Variants in UBE2E2 observed in about 807,000 individuals in gnomAD.
The protein encoded by UBE2E2 is ubiquitin-conjugating enzyme E2 E2.
Under a neutral mutation model 24.7 loss-of-function variants are expected in UBE2E2, and 6 were observed. The ratio of observed to expected loss-of-function variants is 0.24; its 90% confidence interval spans 0.13 to 0.48. The LOEUF (loss-of-function observed/expected upper bound fraction) is 0.48, where lower values mean the gene tolerates loss of function less well. Among genes scored for constraint, UBE2E2 ranks in the 20% least tolerant of loss-of-function variants. The pLI, the probability that UBE2E2 is intolerant of heterozygous loss-of-function variation, is 0.99. For missense variants in UBE2E2, 169 were observed against 245.0 expected, an observed-to-expected ratio of 0.69 and a Z score of 2.07; for synonymous variants, 104 against 83.6, an observed-to-expected ratio of 1.24 and a Z score of -1.33.
intron 3 of UBE2E2, among the ~76,000 whole-genome samples, chr3:23,462,332 T>G (rs1314756015): frequency 1.3e-5 from 2 of 152,302 alleles, no homozygotes; most frequent in East Asian, 1.9e-4. Flanking sequence ...ATTGAGGAGT[T>G]TTGAAATGTT....
At chr3:23,386,763 G>A (rs1180084463) in intron 3 of UBE2E2, among the ~76,000 whole-genome samples, 1 of 152,188 alleles carries the variant, frequency 6.6e-6, no homozygotes, top group Non-Finnish European at 1.5e-5. Context: ...TATACTCAGA[G>A]TAGGGAGTAG....
intron 3 of UBE2E2, among the ~76,000 whole-genome samples, chr3:23,446,881 C>T (rs1018818167): frequency 6.6e-6 from 1 of 152,002 alleles, no homozygotes; most frequent in Non-Finnish European, 1.5e-5. Context: ...ACCAGAAGAG[C>T]GTGCTGGCAT....
At chr3:23,408,365 G>A (rs775091455) in intron 3 of UBE2E2, among the ~76,000 whole-genome samples, 1 of 151,990 alleles carries the variant, frequency 6.6e-6, no homozygotes, top group Non-Finnish European at 1.5e-5. Flanking sequence ...TTTAAAATTT[G>A]ATATAATTTA....
In UBE2E2 at chr3:23,497,912, C is replaced by T. The variant is rs139357588; in HGVS notation, c.228-1696C>T. On this transcript the variant is annotated intron_variant, in intron 3 of 5. Coordinates refer to ENST00000396703, the MANE Select transcript of UBE2E2 (RefSeq NM_152653.4). ...GAATTACTCATACTCATCAGCAGTA[C>T]ATAGGAGTTCTAGTTTTTCCACATC... Among the ~76,000 whole-genome samples, 166 of 152,280 alleles carry T rather than the reference C, an allele frequency of 1.1e-3. 2 individuals carry two copies. Among genetic ancestry groups the T allele is most frequent in the African/African-American group, 3.8e-3 (159 of 41,574 alleles).
intron 5 of UBE2E2, among the ~76,000 whole-genome samples, chr3:23,567,349 T>G (rs573712846): frequency 6.6e-6 from 1 of 152,312 alleles, no homozygotes; most frequent in African/African-American, 2.4e-5. Context: ...TGGTAGAACA[T>G]GTTGCCTAAG....
chr3:23,523,825 ATT>A (rs5847238), intron 4 of UBE2E2, among the ~76,000 whole-genome samples: 2 of 148,058 alleles, frequency 1.4e-5, no homozygotes, highest in African/African-American at 2.5e-5. Flanking sequence ...CAAAGAGGGG[ATT>A]TTTTTTTTTT....
intron 5 of UBE2E2, among the ~76,000 whole-genome samples, chr3:23,561,075 A>C (rs1047666305): frequency 1.3e-4 from 20 of 152,126 alleles, no homozygotes; most frequent in African/African-American, 4.8e-4. Flanking sequence ...TAGTTTAATT[A>C]GATCCCATTT....
At chr3:23,287,216 A>C (rs1039112184) in intron 3 of UBE2E2, among the ~76,000 whole-genome samples, 2 of 152,208 alleles carry the variant, frequency 1.3e-5, no homozygotes, top group South Asian at 4.1e-4. Context: ...GGTATTATGT[A>C]TCACACTGAT....
intron 3 of UBE2E2, among the ~76,000 whole-genome samples, chr3:23,223,177 G>C (rs1245340071): frequency 6.8e-6 from 1 of 147,996 alleles, no homozygotes; most frequent in Non-Finnish European, 1.5e-5. Context: ...ATGCCACCAT[G>C]CTCAGCTGAT....
chr3:23,544,352 A>G (rs1454337660), intron 5 of UBE2E2, among the ~76,000 whole-genome samples: 1 of 152,214 alleles, frequency 6.6e-6, no homozygotes, highest in African/African-American at 2.4e-5. Context: ...AACTCAAATC[A>G]GCAAGAAAAA....
chr3:23,564,328 G>A (rs1272984002), intron 5 of UBE2E2, among the ~76,000 whole-genome samples: 1 of 152,108 alleles, frequency 6.6e-6, no homozygotes, highest in Non-Finnish European at 1.5e-5. Context: ...AAAATAGGTG[G>A]AGCTGTTTTA....
chr3:23,525,497 A>G (rs1472938618), intron 4 of UBE2E2, among the ~76,000 whole-genome samples: 1 of 152,162 alleles, frequency 6.6e-6, no homozygotes, highest in Non-Finnish European at 1.5e-5. Context: ...TTTCCTTTTT[A>G]TGGAAAATGT....
At chr3:23,276,551 A>C (rs1005220754) in intron 3 of UBE2E2, among the ~76,000 whole-genome samples, 3 of 152,134 alleles carry the variant, frequency 2.0e-5, no homozygotes, top group African/African-American at 7.2e-5. Flanking sequence ...ACCTGCTAAA[A>C]TGTATGAATC....
intron 3 of UBE2E2, among the ~76,000 whole-genome samples, chr3:23,498,849 C>A (rs1699661064): frequency 6.6e-6 from 1 of 152,118 alleles, no homozygotes; most frequent in Non-Finnish European, 1.5e-5. Context: ...ATACAATTCA[C>A]TCGACTCATG....
At chr3:23,323,485 A>G (rs1295774017) in intron 3 of UBE2E2, 3 of 433,638 alleles carry the variant, frequency 6.9e-6, no homozygotes, top group East Asian at 7.6e-5. Flanking sequence ...TCGAAAATTC[A>G]AAACACTTTG....
chr3:23,315,366 C>G (rs1287842647), intron 3 of UBE2E2, among the ~76,000 whole-genome samples: 1 of 149,970 alleles, frequency 6.7e-6, no homozygotes, highest in Non-Finnish European at 1.5e-5. Context: ...TGTCTTCAAG[C>G]TCACCAAATC....
chr3:23,358,603 C>T (rs891544819), intron 3 of UBE2E2, among the ~76,000 whole-genome samples: 2 of 152,094 alleles, frequency 1.3e-5, no homozygotes, highest in African/African-American at 4.8e-5. Context: ...AATTCATATA[C>T]TGGTCTACAA....
intron 3 of UBE2E2, among the ~76,000 whole-genome samples, chr3:23,228,583 A>G (rs1696888629): frequency 6.6e-6 from 1 of 152,158 alleles, no homozygotes; most frequent in African/African-American, 2.4e-5. Context: ...TTTATTGCAA[A>G]CAAATAAAAT....
At chr3:23,296,429 A>G (rs1164361650) in intron 3 of UBE2E2, among the ~76,000 whole-genome samples, 2 of 151,976 alleles carry the variant, frequency 1.3e-5, no homozygotes, top group African/African-American at 2.4e-5. Flanking sequence ...CTCGTCATTT[A>G]CCATTAGGTA....
Sources: gnomAD v4.1 joint callset for allele counts (sites outside exome capture counted in the v4.1 genomes callset) on GRCh38, gnomAD v4.1.1 for gene constraint, MANE v1.5 for transcripts, NCBI Gene and HGNC (gene_info 2026-07-23, HGNC 2026-07-21) for gene names.